Variants in MYH15 observed in about 807,000 individuals in gnomAD.
The protein encoded by MYH15 is myosin-15.
In MYH15, 227 loss-of-function variants were observed where a neutral mutation model predicts 240.5. The observed-to-expected ratio is 0.94, with a 90% CI of 0.85 to 1.05. MYH15 has a LOEUF of 1.05. MYH15 is among the 50% of genes least tolerant of loss of function. MYH15 has a pLI of 0.00. For synonymous variants in MYH15, 785 were observed against 796.7 expected (o/e 0.99, Z 0.25); for missense variants, 2,217 against 2,247.5 (o/e 0.99, Z 0.27).
In MYH15 at chr3:108,444,712, C is replaced by T. The variant is rs148022324; in HGVS notation, c.2583G>A (p.Gln861=). ...LQKALEKSEF[Q]REELKAKQVS... is the part of the protein sequence containing the mutation. ...CTTGCTTTGCTTTCAGTTCCTCCCT[C>T]TGAAACTCTGATTTCTCCAAGGCTT... The change falls in exon 22 of 41, where the codon CAG becomes CAA. Residue 861 remains glutamine (Q), a synonymous_variant. Transcript: ENST00000693548. 1.5e-3 allele frequency: 2,418 copies of T among 1,614,050 alleles called. 4 individuals carry two copies. Among genetic ancestry groups the T allele is most frequent in the Middle Eastern group, 5.8e-3 (35 of 6,062 alleles).
In MYH15 at chr3:108,380,663, G is replaced by A. The variant is rs1445318865; in HGVS notation, c.*882C>T. The A allele has an allele frequency of 1.3e-5, 2 of 152,476 alleles. No individual in the cohort carries two copies. The highest frequency in any genetic ancestry group is 2.9e-5 in the Non-Finnish European group (2 of 68,276). 9.4% of individuals were successfully genotyped at this position (152,476 alleles called of 1,614,324 possible). On this transcript the variant is annotated 3_prime_UTR_variant, in exon 41 of 41. Transcript: ENST00000693548. ...CAAAGCTGAAGGAGGAGGCTGGCAG[G>A]AGCTGGAAGAGCTCTGGGTCCAGGG...
intron 29 of MYH15, among the ~76,000 whole-genome samples, chr3:108,415,575 C>T (rs1190366494): frequency 6.6e-6 from 1 of 152,116 alleles, no homozygotes; most frequent in Non-Finnish European, 1.5e-5. Flanking sequence ...TAAGGGGATA[C>T]ACAAAATACA....
intron 27 of MYH15, among the ~76,000 whole-genome samples, chr3:108,422,531 T>A (rs1234044926): frequency 6.6e-6 from 1 of 152,062 alleles, no homozygotes; most frequent in Non-Finnish European, 1.5e-5. Context: ...CCATCGTGGG[T>A]GATGATGATG....
intron 27 of MYH15, 135 bp from the exon 28 acceptor site, chr3:108,421,349 G>T: frequency 1.9e-6 from 2 of 1,035,392 alleles, no homozygotes; most frequent in Non-Finnish European, 2.8e-6. Flanking sequence ...CCAGCATTGG[G>T]AGATCACATC....
At chr3:108,446,822 AT>A (rs1284364073) in intron 21 of MYH15, among the ~76,000 whole-genome samples, 2 of 152,226 alleles carry the variant, frequency 1.3e-5, no homozygotes, top group Non-Finnish European at 2.9e-5. Flanking sequence ...CAAAGCTATA[AT>A]AAACATGAAG....
intron 25 of MYH15, among the ~76,000 whole-genome samples, chr3:108,434,488 T>C (rs897073940): frequency 1.2e-4 from 19 of 152,004 alleles, no homozygotes; most frequent in African/African-American, 3.9e-4. Context: ...AGCCTGAGAA[T>C]GTATTCTTAT....
chr3:108,510,634 C>T (rs1416197896), upstream of MYH15: 2 of 1,565,940 alleles, frequency 1.3e-6, no homozygotes, highest in East Asian at 2.2e-5. Context: ...GGAAATAAGG[C>T]ATCAAGCTCT....
At position 108,470,209 on chromosome 3, in the gene MYH15, T is replaced by C. The variant is rs1274147157; in HGVS notation, c.1387A>G (p.Asn463Asp). The change falls in exon 14 of 41, where the codon AAT becomes GAT. Residue 463 changes from asparagine to aspartate, a missense_variant. Asn to Asp is a conservative substitution (Grantham distance 23). Transcript: ENST00000693548. ...TTAATGCAAAGTTGCTCAAGGCTATTATACTTCAAGGATATGAATAGGTAA... is the reference window on the plus strand; with the variant it reads ...TTAATGCAAAGTTGCTCAAGGCTATCATACTTCAAGGATATGAATAGGTAA... ...DITGFEILEY[N>D]SLEQLCINFT... 2 of 1,598,578 alleles carry C rather than the reference T, an allele frequency of 1.3e-6. No homozygotes were observed. Among genetic ancestry groups the C allele is most frequent in the East Asian group, 2.2e-5 (1 of 44,674 alleles).
At chr3:108,533,371 G>A (rs193084965), upstream of MYH15, among the ~76,000 whole-genome samples, 3 of 151,706 alleles carry the variant, frequency 2.0e-5, no homozygotes, top group East Asian at 5.8e-4. Flanking sequence ...TAGGATCCTG[G>A]GCAGTTTACT....
intron 35 of MYH15, among the ~76,000 whole-genome samples, chr3:108,397,310 G>C (rs1364482728): frequency 6.6e-6 from 1 of 152,078 alleles, no homozygotes; most frequent in Non-Finnish European, 1.5e-5. Context: ...ATTTCCCTTA[G>C]AATCCTAAAC....
chr3:108,392,075 C>T (rs187525282), intron 36 of MYH15, 145 bp from the exon 37 acceptor site: 1 of 858,898 alleles, frequency 1.2e-6, no homozygotes, highest in Admixed American at 2.5e-5. Flanking sequence ...TCTCCCTAAC[C>T]ACTACCACCC....
At chr3:108,387,646 A>T (rs2082394259) in intron 38 of MYH15, among the ~76,000 whole-genome samples, 3 of 152,232 alleles carry the variant, frequency 2.0e-5, no homozygotes, top group African/African-American at 2.4e-5. Flanking sequence ...GCAGCATTTC[A>T]TGTCATCAAC....
chr3:108,486,876 C>T (rs1019963773), intron 9 of MYH15, among the ~76,000 whole-genome samples: 13 of 152,104 alleles, frequency 8.5e-5, no homozygotes, highest in Non-Finnish European at 1.5e-5. Context: ...AGGAATTTGG[C>T]CTAGATTTAT....
At chr3:108,460,726 A>G (rs1441499183) in intron 16 of MYH15, among the ~76,000 whole-genome samples, 1 of 152,200 alleles carries the variant, frequency 6.6e-6, no homozygotes, top group East Asian at 1.9e-4. Flanking sequence ...ATGTGGATCC[A>G]TATAACTTAT....
intron 14 of MYH15, among the ~76,000 whole-genome samples, chr3:108,467,549 T>C (rs1277920839): frequency 6.6e-6 from 1 of 152,160 alleles, no homozygotes; most frequent in Non-Finnish European, 1.5e-5. Context: ...CAATTTTCTC[T>C]TGAGGCTGGT....
intron 1 of MYH15, among the ~76,000 whole-genome samples, chr3:108,506,336 A>G (rs540767422): frequency 4.6e-4 from 70 of 152,344 alleles, no homozygotes; most frequent in Middle Eastern, 6.8e-3. Context: ...GCAGGGGGGC[A>G]GGTTGAGGAG....
chr3:108,390,741 G>T (rs932117303), intron 37 of MYH15, among the ~76,000 whole-genome samples: 1 of 151,992 alleles, frequency 6.6e-6, no homozygotes, highest in Non-Finnish European at 1.5e-5. Flanking sequence ...AACTTCATTT[G>T]CTTCCATTGG....
Position 108,416,920 on chromosome 3 carries a change from T to C in MYH15, c.3840A>G (p.Leu1280=), listed in dbSNP as rs1172029782. 21 of 1,612,232 alleles carry C rather than the reference T, an allele frequency of 1.3e-5. No individual in the cohort carries two copies. Among genetic ancestry groups the C allele is most frequent in the African/African-American group, 2.7e-5 (2 of 74,848 alleles). The stretch of plus-strand genomic sequence containing the variant: ...GAGCCTCCTTCTCTTCAAGCCTCCG[T>C]AGGAACTCGCCTACAGAAAGATTTC... The part of the protein sequence containing the change: ...TKLWSESGEF[L]RRLEEKEALI... The change falls in exon 29 of 41, where the codon CTA becomes CTG. Residue 1280 remains leucine (L), a synonymous_variant. Coordinates refer to ENST00000693548, the MANE Select transcript of MYH15 (RefSeq NM_014981.3).
intron 9 of MYH15, among the ~76,000 whole-genome samples, chr3:108,491,251 G>A (rs1309016363): frequency 6.6e-6 from 1 of 152,088 alleles, no homozygotes; most frequent in African/African-American, 2.4e-5. Context: ...GCTCATATGG[G>A]CAGAGGCCTG....
Sources: allele counts gnomAD v4.1 joint callset (sites outside exome capture counted in the v4.1 genomes callset), GRCh38; gene constraint gnomAD v4.1.1; transcripts MANE v1.5; gene names NCBI Gene and HGNC (gene_info 2026-07-23, HGNC 2026-07-21).